The following ANO6 variants were observed in gnomAD, a reference collection of about 807,000 sequenced individuals.
ANO6 encodes anoctamin 6.
Under a neutral mutation model 117.5 loss-of-function variants are expected in ANO6, and 106 were observed. The ratio of observed to expected loss-of-function variants is 0.90; its 90% confidence interval spans 0.77 to 1.06. ANO6 has a LOEUF of 1.06. ANO6 is among the 50% of genes least tolerant of loss of function. The probability of loss-of-function intolerance (pLI) is 0.00; values close to 1 mark genes in which losing one functional copy is unlikely to be tolerated. For missense variants in ANO6, 955 were observed against 1,121.1 expected, an observed-to-expected ratio of 0.85 and a Z score of 2.12; for synonymous variants, 367 against 385.1, an observed-to-expected ratio of 0.95 and a Z score of 0.55.
intron 6 of ANO6, among the ~76,000 whole-genome samples, chr12:45,350,431 T>A (rs1450266746): frequency 6.6e-6 from 1 of 152,110 alleles, no homozygotes; most frequent in Admixed American, 6.5e-5. Flanking sequence ...CTCCCCAGGA[T>A]TGTAACACCC....
intron 1 of ANO6, among the ~76,000 whole-genome samples, chr12:45,262,434 C>G (rs1317927851): frequency 1.5e-5 from 2 of 137,016 alleles, no homozygotes; most frequent in South Asian, 4.6e-4. Context: ...TTTTTTTTTT[C>G]TTTTTTGAGA....
chr12:45,282,493 TG>T (rs1265704571), intron 1 of ANO6, among the ~76,000 whole-genome samples: 1 of 152,134 alleles, frequency 6.6e-6, no homozygotes, highest in Non-Finnish European at 1.5e-5. Context: ...AAAGAAGTCG[TG>T]GCCAGCCGTG....
In ANO6 at chr12:45,331,380, G is replaced by T; in HGVS notation, c.236G>T (p.Ser79Ile). 6.3e-7 allele frequency: 1 copy of T among 1,587,238 alleles called. No homozygotes were observed. Among genetic ancestry groups the T allele is most frequent in the Non-Finnish European group, 8.6e-7 (1 of 1,160,678 alleles). ...TTTGTTCTAGTATATGAGGATGAAA[G>T]CAGAAAAGAGACCAATAAAAAGGGT... ...IDFVLVYEDE[S>I]RKETNKKGTN... Residue 79 changes from serine to isoleucine, a missense_variant, in exon 3 of 20, where the codon AGC becomes ATC. Ser to Ile is a moderately radical substitution (Grantham distance 142). Coordinates refer to ENST00000320560, the MANE Select transcript of ANO6 (RefSeq NM_001025356.3).
chr12:45,220,835 T>A (rs369829967), intron 1 of ANO6, among the ~76,000 whole-genome samples: 2 of 152,286 alleles, frequency 1.3e-5, no homozygotes, highest in African/African-American at 4.8e-5. Context: ...TCTACCAACC[T>A]GAAGAGGGGT....
intron 10 of ANO6, among the ~76,000 whole-genome samples, chr12:45,378,567 G>A (rs533046450): frequency 6.6e-6 from 1 of 152,290 alleles, no homozygotes; most frequent in African/African-American, 2.4e-5. Flanking sequence ...GAGAGGACAA[G>A]CTTCAGTGCA....
rs547500497 is a variant in ANO6 at position 45,428,977 on chromosome 12, TG to T, written c.2527-126del. 5.0e-4 allele frequency: 533 copies of T among 1,071,406 alleles called. 7 individuals carry two copies. In the South Asian group the frequency reaches 6.9e-3, roughly 14 times the overall value. 66.4% of individuals were successfully genotyped at this position (1,071,406 alleles called of 1,614,324 possible). On this transcript the variant is annotated intron_variant, in intron 19 of 19. Transcript: ENST00000320560. ...GATTAGACACAATGGCATTAGCGGT[TG>T]GTTGTGTGTGTAAAATGTCCACTGC...
chr12:45,342,570 A>G (rs941091594), intron 3 of ANO6, among the ~76,000 whole-genome samples: 2 of 152,086 alleles, frequency 1.3e-5, no homozygotes, highest in Non-Finnish European at 2.9e-5. Context: ...GTAAAAGTAC[A>G]TGGAAAATTT....
chr12:45,406,170 G>C (rs2137645492), intron 15 of ANO6, among the ~76,000 whole-genome samples: 2 of 152,320 alleles, frequency 1.3e-5, no homozygotes, highest in Middle Eastern at 3.4e-3. Flanking sequence ...GGTTCCTTTT[G>C]GGGCCTCCCC....
At chr12:45,385,408 G>A (rs1363725598) in intron 10 of ANO6, among the ~76,000 whole-genome samples, 3 of 152,262 alleles carry the variant, frequency 2.0e-5, no homozygotes, top group Non-Finnish European at 4.4e-5. Context: ...ATTCTTGGTA[G>A]ATTAAAAAGT....
At chr12:45,416,387 GAAT>G (rs1943213454) in intron 16 of ANO6, among the ~76,000 whole-genome samples, 1 of 151,934 alleles carries the variant, frequency 6.6e-6, no homozygotes, top group Non-Finnish European at 1.5e-5. Context: ...CACTGAGAAT[GAAT>G]AATATGCTTA....
chr12:45,374,007 A>AT (rs1806653895), intron 9 of ANO6, among the ~76,000 whole-genome samples: 1 of 152,210 alleles, frequency 6.6e-6, no homozygotes, highest in Non-Finnish European at 1.5e-5. Flanking sequence ...GCAATAAAAA[A>AT]TGATAAAGGG....
At chr12:45,370,335 A>AG (rs1338578896) in intron 9 of ANO6, among the ~76,000 whole-genome samples, 7 of 152,258 alleles carry the variant, frequency 4.6e-5, no homozygotes, top group African/African-American at 1.4e-4. Context: ...TAAGAGTGCT[A>AG]GGCATGTCCA....
chr12:45,388,350 G>T, intron 11 of ANO6, 47 bp downstream of exon 11: 1 of 1,610,864 alleles, frequency 6.2e-7, no homozygotes, highest in Non-Finnish European at 8.5e-7. Context: ...TTACTGCTGT[G>T]GTTCTCCTCC....
chr12:45,258,776 A>C (rs983462520), intron 1 of ANO6, among the ~76,000 whole-genome samples: 9 of 152,166 alleles, frequency 5.9e-5, no homozygotes, highest in Non-Finnish European at 1.3e-4. Context: ...AAATTAACTG[A>C]TTGTGTGTTT....
chr12:45,419,334 A>G (rs1324898634), intron 17 of ANO6, among the ~76,000 whole-genome samples: 1 of 152,246 alleles, frequency 6.6e-6, no homozygotes, highest in East Asian at 1.9e-4. Flanking sequence ...AATTTTTTGT[A>G]GCTTCTGATG....
chr12:45,221,193 A>G (rs1013922273), intron 1 of ANO6, among the ~76,000 whole-genome samples: 5 of 152,332 alleles, frequency 3.3e-5, no homozygotes, highest in Middle Eastern at 3.4e-3. Flanking sequence ...CTTGCTTGTC[A>G]TGTGGGAAGA....
chr12:45,272,660 T>C (rs1278294860), intron 1 of ANO6, among the ~76,000 whole-genome samples: 1 of 152,178 alleles, frequency 6.6e-6, no homozygotes, highest in Non-Finnish European at 1.5e-5. Context: ...TGAGAAAAAG[T>C]GTTGGCAGTG....
At chr12:45,246,666 A>G (rs1329780353) in intron 1 of ANO6, among the ~76,000 whole-genome samples, 2 of 152,074 alleles carry the variant, frequency 1.3e-5, no homozygotes, top group Non-Finnish European at 2.9e-5. Flanking sequence ...GTTTACAAGT[A>G]GACAAGGAGT....
chr12:45,416,804 T>C lies in ANO6; in HGVS notation c.2117T>C (p.Leu706Pro), dbSNP rs375316217. The change falls in exon 17 of 20, where the codon CTG (leucine) becomes CCG (proline). Residue 706 changes from leucine (L) to proline (P), a missense_variant. Coordinates refer to ENST00000320560, the MANE Select transcript of ANO6 (RefSeq NM_001025356.3). ...ILEIRVDAWKLTTQFRRLVPE... is the reference protein window; with the variant it reads ...ILEIRVDAWKPTTQFRRLVPE... ...GAAATAAGAGTGGACGCATGGAAAC[T>C]GACCACCCAGTTTAGACGCCTGGTA... is the stretch of plus-strand genomic sequence containing the variant. 40 of 1,614,084 alleles carry C rather than the reference T, an allele frequency of 2.5e-5. No individual in the cohort carries two copies. The highest frequency in any genetic ancestry group is 3.1e-5 in the Non-Finnish European group (36 of 1,180,036).
Sources: allele counts gnomAD v4.1 joint callset (sites outside exome capture counted in the v4.1 genomes callset), GRCh38; gene constraint gnomAD v4.1.1; transcripts MANE v1.5; gene names NCBI Gene and HGNC (gene_info 2026-07-23, HGNC 2026-07-21).